The following ROBO2 variants were observed in gnomAD, a reference collection of about 807,000 sequenced individuals.
ROBO2 encodes the protein roundabout homolog 2.
A neutral mutation model predicts 160.8 loss-of-function variants in ROBO2; 53 were observed. That is an observed-to-expected ratio of 0.33 (90% CI 0.26 to 0.41). The LOEUF (loss-of-function observed/expected upper bound fraction) is 0.41, where lower values mean the gene tolerates loss of function less well. ROBO2 is among the 10% of genes least tolerant of loss of function. The pLI is 1.00. For missense variants in ROBO2, 1,577 were observed against 1,722.4 expected, an observed-to-expected ratio of 0.92 and a Z score of 1.49; for synonymous variants, 664 against 611.7, an observed-to-expected ratio of 1.09 and a Z score of -1.26.
chr3:76,654,624 G>A (rs1488998811), intron 2 of ROBO2, among the ~76,000 whole-genome samples: 1 of 151,998 alleles, frequency 6.6e-6, no homozygotes, highest in Non-Finnish European at 1.5e-5. Flanking sequence ...TGGGGTAATA[G>A]GGACTTTCAA....
At chr3:76,219,651 G>T (rs1419807955) in intron 2 of ROBO2, among the ~76,000 whole-genome samples, 1 of 152,138 alleles carries the variant, frequency 6.6e-6, no homozygotes, top group African/African-American at 2.4e-5. Context: ...CAGTTAGAAT[G>T]GCAATCATTA....
At chr3:76,934,086 C>T (rs544797412) in intron 2 of ROBO2, among the ~76,000 whole-genome samples, 1 of 152,098 alleles carries the variant, frequency 6.6e-6, no homozygotes, top group South Asian at 2.1e-4. Flanking sequence ...GTTCCAGAAA[C>T]TTTGTTTTGA....
At chr3:76,071,751 A>C (rs188413821) in intron 2 of ROBO2, among the ~76,000 whole-genome samples, 1 of 152,158 alleles carries the variant, frequency 6.6e-6, no homozygotes, top group Non-Finnish European at 1.5e-5. Context: ...CAAGTTAAGG[A>C]AAGTAAACAA....
intron 2 of ROBO2, among the ~76,000 whole-genome samples, chr3:76,362,813 C>A (rs1005112218): frequency 6.6e-6 from 1 of 151,950 alleles, no homozygotes; most frequent in Non-Finnish European, 1.5e-5. Flanking sequence ...AGGAAGCGTC[C>A]TTCCAACCAC....
chr3:77,617,446 A>G, intron 21 of ROBO2, 67 bp from the exon 23 acceptor site: 2 of 1,572,470 alleles, frequency 1.3e-6, no homozygotes, highest in African/African-American at 2.7e-5. Context: ...TATTGCCAGT[A>G]TAATTGTGTG....
At chr3:77,023,086 C>A (rs1283486936) in intron 2 of ROBO2, among the ~76,000 whole-genome samples, 1 of 152,140 alleles carries the variant, frequency 6.6e-6, no homozygotes, top group East Asian at 1.9e-4. Flanking sequence ...AAATGTGTCT[C>A]CCAGAATTCC....
intron 2 of ROBO2, among the ~76,000 whole-genome samples, chr3:76,375,547 G>T (rs1272838839): frequency 6.6e-6 from 1 of 151,940 alleles, no homozygotes; most frequent in Non-Finnish European, 1.5e-5. Context: ...AAAGCCTACA[G>T]CTAAGTTGTT....
chr3:77,588,196 A>G (rs956801996), intron 16 of ROBO2, among the ~76,000 whole-genome samples: 14 of 152,086 alleles, frequency 9.2e-5, no homozygotes, highest in Non-Finnish European at 2.1e-4. Context: ...GGCTGTTTAC[A>G]TAATTGTCAT....
At chr3:77,541,957 TAA>T (rs1183501639) in intron 6 of ROBO2, among the ~76,000 whole-genome samples, 1 of 152,154 alleles carries the variant, frequency 6.6e-6, no homozygotes, top group Non-Finnish European at 1.5e-5. Flanking sequence ...GTTTTTTTTT[TAA>T]TACTTAATGG....
chr3:77,090,556 G>C (rs2070068179), intron 1 of ROBO2, among the ~76,000 whole-genome samples: 1 of 151,438 alleles, frequency 6.6e-6, no homozygotes, highest in African/African-American at 2.4e-5. Context: ...AGGTTTCACC[G>C]TGTTAGCCAG....
At chr3:76,693,426 T>C (rs1362620402) in intron 2 of ROBO2, among the ~76,000 whole-genome samples, 1 of 149,238 alleles carries the variant, frequency 6.7e-6, no homozygotes, top group Non-Finnish European at 1.5e-5. Flanking sequence ...ACACTACATA[T>C]AGATACACAC....
At chr3:76,357,755 G>C (rs1264466957) in intron 2 of ROBO2, among the ~76,000 whole-genome samples, 1 of 151,684 alleles carries the variant, frequency 6.6e-6, no homozygotes, top group Non-Finnish European at 1.5e-5. Flanking sequence ...TAAGTTGCAG[G>C]ATAAACAACC....
chr3:76,055,497 G>A lies in ROBO2; in HGVS notation c.109+117895G>A, dbSNP rs576651727. 3.6e-4 allele frequency among the ~76,000 whole-genome samples: 54 copies of A among 151,968 alleles called. No individual in the cohort carries two copies. In the Middle Eastern group the frequency reaches 0.014, roughly 38 times the overall value. On this transcript the variant is annotated intron_variant, in intron 2 of 26. Transcript: ENST00000487694. ...GTTTATTAACCCTCATTCCCCTGTC[G>A]CCCTCCCCCCTTTTGGAGTTTTCAG...
intron 2 of ROBO2, among the ~76,000 whole-genome samples, chr3:77,003,984 A>G (rs2061455887): frequency 2.0e-5 from 3 of 152,192 alleles, no homozygotes. Flanking sequence ...GTCTCAGAAT[A>G]TATAATCAAA....
chr3:76,040,793 G>T (rs989394431), intron 2 of ROBO2, among the ~76,000 whole-genome samples: 1 of 151,998 alleles, frequency 6.6e-6, no homozygotes, highest in African/African-American at 2.4e-5. Flanking sequence ...TTCAAGTCCA[G>T]CCTGGCCAAC....
At chr3:77,308,527 G>A (rs1361547271) in intron 2 of ROBO2, among the ~76,000 whole-genome samples, 1 of 152,118 alleles carries the variant, frequency 6.6e-6, no homozygotes, top group African/African-American at 2.4e-5. Context: ...AGGAGAAACA[G>A]AGGAGCATGG....
chr3:76,508,721 A>C (rs2080923961), intron 2 of ROBO2, among the ~76,000 whole-genome samples: 1 of 152,216 alleles, frequency 6.6e-6, no homozygotes, highest in Non-Finnish European at 1.5e-5. Flanking sequence ...GAGGCTTATC[A>C]TATCATCCCT....
intron 2 of ROBO2, among the ~76,000 whole-genome samples, chr3:76,830,541 T>C (rs1255077652): frequency 6.6e-6 from 1 of 152,180 alleles, no homozygotes; most frequent in Non-Finnish European, 1.5e-5. Flanking sequence ...TTTAGTGTTT[T>C]CCACAATCAG....
chr3:75,967,717 A>G (rs1374011039), intron 2 of ROBO2, among the ~76,000 whole-genome samples: 1 of 151,564 alleles, frequency 6.6e-6, no homozygotes, highest in Non-Finnish European at 1.5e-5. Flanking sequence ...CATAGTTACC[A>G]TGCATTAAAA....
Sources: allele counts gnomAD v4.1 joint callset (sites outside exome capture counted in the v4.1 genomes callset), GRCh38; gene constraint gnomAD v4.1.1; transcripts MANE v1.5; gene names NCBI Gene and HGNC (gene_info 2026-07-23, HGNC 2026-07-21).